The following LINGO2 variants were observed in gnomAD, a reference collection of about 807,000 sequenced individuals.
LINGO2 encodes leucine-rich repeat and immunoglobulin-like domain-containing nogo receptor-interacting protein 2.
LINGO2 carries 14 observed loss-of-function variants against 30.6 expected under a neutral mutation model. The observed-to-expected ratio is 0.46, with a 90% CI of 0.30 to 0.72. The LOEUF (loss-of-function observed/expected upper bound fraction) is 0.72. Among genes scored for constraint, LINGO2 ranks in the 30% least tolerant of loss-of-function variants. The pLI is 0.07. For synonymous variants in LINGO2, 317 were observed against 288.5 expected (o/e 1.10, Z -1.00); for missense variants, 729 against 751.7 (o/e 0.97, Z 0.35).
rs146416933 is a variant in LINGO2, at chr9:28,224,052, C to T, written c.-87+71156G>A. 2.2e-3 allele frequency among the ~76,000 whole-genome samples: 337 copies of T among 152,132 alleles called. 1 individual carries two copies. The highest frequency in any genetic ancestry group is 0.014 in the Middle Eastern group (4 of 294). ...GATGAAACTGTACAATCAGACTATA[C>T]GAAATAAATAAGGCAGAATTTTTTT... On this transcript the variant is annotated intron_variant, in intron 4 of 5. Coordinates refer to ENST00000379992, the Ensembl canonical transcript of LINGO2.
chr9:28,771,506 T>TGTGA, the LINGO2 span, among the ~76,000 whole-genome samples: 69 of 95,124 alleles, frequency 7.3e-4, no homozygotes, highest in Non-Finnish European at 1.2e-3. Context: ...TGTGTGTGTG[T>TGTGA]GAGAGAGAGA....
intron 4 of LINGO2, among the ~76,000 whole-genome samples, chr9:28,014,736 G>A (rs890805882): frequency 6.6e-6 from 1 of 152,104 alleles, no homozygotes; most frequent in Non-Finnish European, 1.5e-5. Flanking sequence ...TATATTTTGT[G>A]ACTGTCTGAC....
intron 1 of LINGO2, among the ~76,000 whole-genome samples, chr9:28,536,508 T>C (rs1821442761): frequency 6.6e-6 from 1 of 152,050 alleles, no homozygotes; most frequent in African/African-American, 2.4e-5. Context: ...CCCTTACCCA[T>C]AGCCAGTCGC....
chr9:28,317,291 G>GA (rs1258045571), intron 3 of LINGO2, among the ~76,000 whole-genome samples: 4 of 152,130 alleles, frequency 2.6e-5, no homozygotes, highest in African/African-American at 9.6e-5. Flanking sequence ...ATTCTAGATT[G>GA]ACCTTTCCTT....
At chr9:29,208,660 C>G in the LINGO2 span, among the ~76,000 whole-genome samples, 1 of 152,158 alleles carries the variant, frequency 6.6e-6, no homozygotes, top group South Asian at 2.1e-4. Flanking sequence ...TTCTGTTTTT[C>G]TTTTTCCAAT....
chr9:28,252,748 C>A (rs1468482236), intron 4 of LINGO2, among the ~76,000 whole-genome samples: 2 of 151,828 alleles, frequency 1.3e-5, no homozygotes, highest in Non-Finnish European at 2.9e-5. Context: ...TTACTTTATA[C>A]CAATAAGGAA....
the LINGO2 span, among the ~76,000 whole-genome samples, chr9:29,059,177 G>A: frequency 2.0e-5 from 3 of 151,662 alleles, no homozygotes; most frequent in Non-Finnish European, 4.4e-5. Flanking sequence ...ATAGATTGGA[G>A]AACTCCATAT....
chr9:28,446,818 C>A (rs78258877), intron 2 of LINGO2, among the ~76,000 whole-genome samples: 2,649 of 152,300 alleles, frequency 0.017, 27 homozygotes, highest in Middle Eastern at 0.041. Context: ...GGCTTTCTGC[C>A]TTCCCATTCC....
intron 5 of LINGO2, among the ~76,000 whole-genome samples, chr9:27,983,775 T>C (rs978362011): frequency 1.3e-5 from 2 of 151,876 alleles, no homozygotes; most frequent in Non-Finnish European, 2.9e-5. Context: ...CCTTTTGCAA[T>C]TCCCACCGTG....
At chr9:29,166,204 T>C in the LINGO2 span, among the ~76,000 whole-genome samples, 1 of 152,104 alleles carries the variant, frequency 6.6e-6, no homozygotes, top group East Asian at 1.9e-4. Context: ...AATTCCACTT[T>C]TTATATACTT....
the LINGO2 span, among the ~76,000 whole-genome samples, chr9:29,188,225 C>A: frequency 6.6e-6 from 1 of 151,580 alleles, no homozygotes; most frequent in South Asian, 2.1e-4. Context: ...TGACTCTTAA[C>A]GAGCATGCTG....
chr9:28,278,135 T>A (rs1180027495), intron 4 of LINGO2, among the ~76,000 whole-genome samples: 1 of 152,158 alleles, frequency 6.6e-6, no homozygotes, highest in African/African-American at 2.4e-5. Context: ...AGACCCTGAC[T>A]CACTTTAATT....
chr9:28,675,934 C>A, the LINGO2 span, among the ~76,000 whole-genome samples: 3 of 135,124 alleles, frequency 2.2e-5, no homozygotes, highest in South Asian at 2.4e-4. Context: ...TACATACACA[C>A]ACACACACAC....
intron 1 of LINGO2, among the ~76,000 whole-genome samples, chr9:28,553,980 A>C (rs969898657): frequency 1.7e-4 from 26 of 152,072 alleles, no homozygotes; most frequent in Non-Finnish European, 2.5e-4. Context: ...GCCTGCCCTA[A>C]AAGAGCTGCT....
Position 27,957,022 on chromosome 9 carries a change from G to A in LINGO2, c.-35-6316C>T, listed in dbSNP as rs148179724. Reference sequence around the variant, plus strand: ...AGGTGGGAGAATTGCTTGAGCTGAGGAGTTCGAAGCTGCAGTAAGCTGTGA... The same window carrying A: ...AGGTGGGAGAATTGCTTGAGCTGAGAAGTTCGAAGCTGCAGTAAGCTGTGA... On this transcript the variant is annotated intron_variant, in intron 5 of 5. Transcript: ENST00000379992. Among the ~76,000 whole-genome samples, 5 of 152,284 alleles carry A rather than the reference G, an allele frequency of 3.3e-5. 1 individual carries two copies. In the East Asian group the frequency reaches 9.6e-4, roughly 29 times the overall value.
chr9:28,822,226 A>C, the LINGO2 span, among the ~76,000 whole-genome samples: 1 of 152,200 alleles, frequency 6.6e-6, no homozygotes, highest in Non-Finnish European at 1.5e-5. Flanking sequence ...CTCTACCTAC[A>C]GGTGATGAAT....
intron 1 of LINGO2, among the ~76,000 whole-genome samples, chr9:28,483,025 C>T (rs912025711): frequency 2.6e-4 from 39 of 152,030 alleles, no homozygotes; most frequent in African/African-American, 8.9e-4. Flanking sequence ...AAATTGCAGG[C>T]ACATTGTAAA....
chr9:29,060,207 C>T, the LINGO2 span, among the ~76,000 whole-genome samples: 1 of 151,916 alleles, frequency 6.6e-6, no homozygotes, highest in African/African-American at 2.4e-5. Context: ...AGAAAGTAAC[C>T]TCATATTTCT....
chr9:28,278,925 A>G (rs574048007), intron 4 of LINGO2, among the ~76,000 whole-genome samples: 29 of 152,350 alleles, frequency 1.9e-4, no homozygotes, highest in African/African-American at 6.7e-4. Context: ...TCTAGATGTC[A>G]TAAAGAACAT....
Sources: allele counts gnomAD v4.1 joint callset (sites outside exome capture counted in the v4.1 genomes callset), GRCh38; gene constraint gnomAD v4.1.1; transcripts MANE v1.5; gene names NCBI Gene and HGNC (gene_info 2026-07-23, HGNC 2026-07-21).